C16orf96: variants seen among roughly 807,000 people sequenced by gnomAD.
The protein encoded by C16orf96 is chromosome 16 open reading frame 96, also known as uncharacterized protein C16orf96.
C16orf96 carries 108 observed loss-of-function variants against 103.6 expected under a neutral mutation model. That is an observed-to-expected ratio of 1.04 (90% CI 0.89 to 1.22). C16orf96 has a LOEUF of 1.22. C16orf96 is among the 50% of genes most tolerant of loss of function. C16orf96 has a pLI of 0.00. For synonymous variants in C16orf96, 566 were observed against 593.5 expected (o/e 0.95, Z 0.67); for missense variants, 1,586 against 1,464.2 (o/e 1.08, Z -1.36).
chr16:4,554,524 G>A (rs1197513089), upstream of C16orf96, among the ~76,000 whole-genome samples: 2 of 149,724 alleles, frequency 1.3e-5, no homozygotes, highest in African/African-American at 4.9e-5. Flanking sequence ...CTAATTTTTT[G>A]TATATTTTTT....
At chr16:4,539,556 G>C in the C16orf96 span, among the ~76,000 whole-genome samples, 11 of 152,142 alleles carry the variant, frequency 7.2e-5, no homozygotes, top group African/African-American at 2.7e-4. Flanking sequence ...ATGGTGGCAC[G>C]CACCTGTAAT....
the C16orf96 span, among the ~76,000 whole-genome samples, chr16:4,547,692 CTTT>C: frequency 4.1e-3 from 146 of 35,882 alleles, 3 homozygotes; most frequent in African/African-American, 6.4e-3. Context: ...TTCCTTCCTT[CTTT>C]CTTTCTTTCT....
intron 10 of C16orf96, 88 bp downstream of exon 10, chr16:4,591,872 C>A: frequency 9.3e-7 from 1 of 1,076,950 alleles, no homozygotes; most frequent in Non-Finnish European, 1.4e-6. Flanking sequence ...AGGAAAGATT[C>A]CAGACCTTTG....
the C16orf96 span, among the ~76,000 whole-genome samples, chr16:4,550,150 T>C: frequency 6.6e-6 from 1 of 151,270 alleles, no homozygotes; most frequent in Admixed American, 6.6e-5. Flanking sequence ...AATGGCATGA[T>C]CTCAGCTCAC....
rs1271445259 is a variant in C16orf96, at chr16:4,600,302, G to T, written c.3411G>T (p.Glu1137Asp). ...ESRVGRKPPEEPANP is the reference protein window; with the variant it reads ...ESRVGRKPPEDPANP ...GAGTCGGCAGGAAGCCCCCCGAGGA[G>T]CCCGCCAACCCGTGAGCCCCACCCC... The change falls in exon 16 of 16, where the codon GAG (glutamate) becomes GAT (aspartate). Residue 1137 changes from glutamate to aspartate, a missense_variant. Physicochemically the swap from Glu to Asp is conservative, Grantham distance 45. Coordinates refer to ENST00000444310, the MANE Select transcript of C16orf96 (RefSeq NM_001145011.2). 3 of 1,549,580 alleles carry T rather than the reference G, an allele frequency of 1.9e-6. No homozygotes were observed. The highest frequency in any genetic ancestry group is 2.6e-6 in the Non-Finnish European group (3 of 1,146,762).
intron 9 of C16orf96, among the ~76,000 whole-genome samples, chr16:4,589,842 G>T (rs542641616): frequency 1.7e-4 from 26 of 151,932 alleles, no homozygotes; most frequent in Admixed American, 3.9e-4. Flanking sequence ...ATACTCCATC[G>T]GCTAGGCACG....
Position 4,580,058 on chromosome 16 carries a change from T to C in C16orf96, c.2285T>C (p.Met762Thr). Residue 762 changes from methionine to threonine, a missense_variant, in exon 7 of 16, where the codon ATG (methionine) becomes ACG (threonine). By Grantham distance (81) the Met-to-Thr change is moderately conservative (BLOSUM62 -1). Coordinates refer to ENST00000444310, the MANE Select transcript of C16orf96 (RefSeq NM_001145011.2). ...ERIWGNQIEM[M>T]KDRYITLDKA... ...ATTTGGGGCAACCAAATAGAGATGATGAAGGATCGCTACATCACTTTGGAC... is the reference window on the plus strand; with the variant it reads ...ATTTGGGGCAACCAAATAGAGATGACGAAGGATCGCTACATCACTTTGGAC... 6.4e-7 allele frequency: 1 copy of C among 1,550,790 alleles called. No individual in the cohort carries two copies. The highest frequency in any genetic ancestry group is 1.2e-5 in the South Asian group (1 of 84,014).
At chr16:4,549,491 C>A in the C16orf96 span, among the ~76,000 whole-genome samples, 41 of 123,312 alleles carry the variant, frequency 3.3e-4, no homozygotes, top group African/African-American at 6.8e-4. Flanking sequence ...AAAAAAAAAA[C>A]AACCAACCAG....
At chr16:4,592,245 G>A in intron 10 of C16orf96, 60 bp from the exon 11 acceptor site, 1 of 1,547,488 alleles carries the variant, frequency 6.5e-7, no homozygotes. Context: ...GCTGGCTGCA[G>A]CCTCCCACAC....
At position 4,579,019 on chromosome 16, in the gene C16orf96, G is replaced by T. The variant is rs368027529; in HGVS notation, c.2235G>T (p.Arg745Ser). 4.5e-5 allele frequency: 70 copies of T among 1,551,442 alleles called. No individual in the cohort carries two copies. In the African/African-American group the frequency reaches 9.3e-4, roughly 21 times the overall value. The change falls in exon 6 of 16, where the codon AGG becomes AGT. Residue 745 changes from arginine to serine, a missense_variant. Coordinates refer to ENST00000444310, the MANE Select transcript of C16orf96 (RefSeq NM_001145011.2). ...AGATTGGCAGCCTCCAGAAATCTAG[G>T]CTCAAGGTTAGTGTCTCCGGCGAAG... ...QKKIGSLQKS[R>S]LKEEELERIW...
chr16:4,595,639 G>A (rs371369067), intron 14 of C16orf96, among the ~76,000 whole-genome samples: 7 of 152,270 alleles, frequency 4.6e-5, no homozygotes, highest in Non-Finnish European at 7.4e-5. Context: ...GAGCAGTCCC[G>A]GAGCCACAAG....
At chr16:4,554,004 A>G (rs542997501), upstream of C16orf96, among the ~76,000 whole-genome samples, 1 of 152,244 alleles carries the variant, frequency 6.6e-6, no homozygotes, top group Non-Finnish European at 1.5e-5. Flanking sequence ...GGAATGTGGG[A>G]TCACAGTGCT....
chr16:4,553,938 G>T (rs1488472101), upstream of C16orf96, among the ~76,000 whole-genome samples: 1 of 152,192 alleles, frequency 6.6e-6, no homozygotes, highest in African/African-American at 2.4e-5. Context: ...CTCCCCACCT[G>T]CATGAACTCA....
At chr16:4,578,833 A>C in intron 5 of C16orf96, 107 bp from the exon 6 acceptor site, 1 of 676,224 alleles carries the variant, frequency 1.5e-6, no homozygotes, top group Admixed American at 2.8e-5. Flanking sequence ...GTGCATTTCC[A>C]CTGGGCAGTG....
chr16:4,573,295 T>C (rs1190871550), intron 2 of C16orf96, among the ~76,000 whole-genome samples: 7 of 151,802 alleles, frequency 4.6e-5, no homozygotes, highest in Non-Finnish European at 4.4e-5. Flanking sequence ...AAAAATTAGC[T>C]GGGTGTGGTT....
intron 1 of C16orf96, among the ~76,000 whole-genome samples, chr16:4,562,515 A>G (rs2059343594): frequency 6.7e-6 from 1 of 150,330 alleles, no homozygotes; most frequent in African/African-American, 2.4e-5. Flanking sequence ...TCTTTTATAT[A>G]TTTACAAAAC....
intron 9 of C16orf96, among the ~76,000 whole-genome samples, chr16:4,589,787 A>G (rs1897014681): frequency 6.6e-6 from 1 of 152,154 alleles, no homozygotes; most frequent in Admixed American, 6.6e-5. Context: ...TATCACACTC[A>G]AATATTTATT....
chr16:4,575,969 G>A lies in C16orf96; in HGVS notation c.1489G>A (p.Val497Met), dbSNP rs2059501457. ...CCCCAAAGATAGAGGTGGCAAGGAT[G>A]TGGACCCCAAGGATAGAGCTCACAA... ...GVPKDRGGKDVDPKDRAHKDD... is the reference protein window; with the variant it reads ...GVPKDRGGKDMDPKDRAHKDD... The change falls in exon 5 of 16, where the codon GTG becomes ATG. Residue 497 changes from valine to methionine, a missense_variant. Transcript: ENST00000444310. 6.5e-7 allele frequency: 1 copy of A among 1,550,106 alleles called. No homozygotes were observed. Among genetic ancestry groups the A allele is most frequent in the East Asian group, 2.4e-5 (1 of 40,886 alleles).
At chr16:4,547,005 G>C in the C16orf96 span, among the ~76,000 whole-genome samples, 1 of 152,110 alleles carries the variant, frequency 6.6e-6, no homozygotes, top group African/African-American at 2.4e-5. Flanking sequence ...TGCCTGGCAG[G>C]TCTGTAACTC....
Sources: allele counts gnomAD v4.1 joint callset (sites outside exome capture counted in the v4.1 genomes callset), GRCh38; gene constraint gnomAD v4.1.1; transcripts MANE v1.5; gene names NCBI Gene and HGNC (gene_info 2026-07-23, HGNC 2026-07-21).